TDRD10: variants seen among roughly 807,000 people sequenced by gnomAD.
TDRD10 encodes tudor domain containing 10.
TDRD10 carries 40 observed loss-of-function variants against 48.0 expected under a neutral mutation model. The ratio of observed to expected loss-of-function variants is 0.83; its 90% CI spans 0.65 to 1.09. The LOEUF is 1.09. Ranked by LOEUF, TDRD10 falls within the 50% of genes least tolerant of loss-of-function variation. TDRD10 has a pLI of 0.00. For missense variants in TDRD10, 378 were observed against 434.7 expected (o/e 0.87, Z 1.16); for synonymous variants, 162 against 170.4 (o/e 0.95, Z 0.38).
At position 154,520,777 on chromosome 1, in the gene TDRD10, G is replaced by A. The variant is rs374070977; in HGVS notation, c.212+403G>A. 2.6e-5 allele frequency among the ~76,000 whole-genome samples: 4 copies of A among 152,134 alleles called. No individual in the cohort carries two copies. In the East Asian group the frequency reaches 5.8e-4, roughly 22 times the overall value. The stretch of plus-strand genomic sequence containing the variant: ...GTTTGAGACAGGGTCTTGCTCTGTC[G>A]CTCAGGCCGGAGTGCTGTGGTGCAG... On this transcript the variant is annotated intron_variant, in intron 5 of 12. Transcript: ENST00000368482.
At chr1:154,538,033 G>A (rs997333704) in intron 6 of TDRD10, among the ~76,000 whole-genome samples, 1 of 152,214 alleles carries the variant, frequency 6.6e-6, no homozygotes, top group Non-Finnish European at 1.5e-5. Context: ...GGAGGTCTGT[G>A]TTTAGGTGAT....
intron 11 of TDRD10, among the ~76,000 whole-genome samples, chr1:154,545,605 C>T (rs1283864585): frequency 6.6e-6 from 1 of 151,986 alleles, no homozygotes; most frequent in African/African-American, 2.4e-5. Context: ...GGCAGGGTCT[C>T]ACTCTGTTGC....
In TDRD10 at chr1:154,547,673, TC is replaced by T. The variant is rs752737427; in HGVS notation, c.1024-3del. On this transcript the variant is annotated splice_polypyrimidine_tract_variant and splice_region_variant and intron_variant, in intron 12 of 12. Transcript: ENST00000368482. Reference sequence around the variant, plus strand: ...TCCCACCAAGGCTTTGTCTTTCTCTTCCAGTTGCACATCCTAAAGTTTGAAG... The same window carrying T: ...TCCCACCAAGGCTTTGTCTTTCTCTTCAGTTGCACATCCTAAAGTTTGAAG... 1.1e-5 allele frequency: 17 copies of T among 1,614,016 alleles called. No individual in the cohort carries two copies. In the South Asian group the frequency reaches 1.8e-4, roughly 17 times the overall value.
intron 6 of TDRD10, among the ~76,000 whole-genome samples, chr1:154,538,538 G>A (rs541168020): frequency 3.2e-5 from 3 of 93,350 alleles, no homozygotes; most frequent in South Asian, 4.6e-4. Flanking sequence ...CAACAAGAGC[G>A]AAACTCTATC....
chr1:154,521,083 A>G (rs1185809646), intron 5 of TDRD10, among the ~76,000 whole-genome samples: 1 of 152,166 alleles, frequency 6.6e-6, no homozygotes, highest in Admixed American at 6.5e-5. Flanking sequence ...AAAGTCATAG[A>G]CATACGATGC....
intron 6 of TDRD10, among the ~76,000 whole-genome samples, chr1:154,538,343 G>A (rs181119536): frequency 6.6e-6 from 1 of 150,912 alleles, no homozygotes; most frequent in Non-Finnish European, 1.5e-5. Flanking sequence ...GAGGTCAGGA[G>A]TTCGAGATCA....
In TDRD10 at chr1:154,502,351, C is replaced by G. The variant is rs547857946; in HGVS notation, c.-706C>G. 2.1e-3 allele frequency: 343 copies of G among 166,804 alleles called. 4 individuals are homozygous for G. The highest frequency in any genetic ancestry group is 3.7e-3 in the Non-Finnish European group (288 of 77,464). 10.3% of individuals were successfully genotyped at this position (166,804 alleles called of 1,614,324 possible). A position where few individuals can be genotyped will look rare whatever the true frequency, so the allele number is the denominator to read the frequency against. ...GAAGCCCCCTGCGGCCCAGCCCACG[C>G]TCCCAGGGACCAGAGAGGACCGAGC... is the stretch of plus-strand genomic sequence containing the variant. On this transcript the variant is annotated 5_prime_UTR_variant, in exon 1 of 13. Coordinates refer to ENST00000368482, the MANE Select transcript of TDRD10 (RefSeq NM_182499.4).
intron 11 of TDRD10, among the ~76,000 whole-genome samples, chr1:154,545,925 T>C (rs866249279): frequency 2.4e-5 from 3 of 124,204 alleles, no homozygotes; most frequent in African/African-American, 9.3e-5. Context: ...CACACCCAGC[T>C]AATTTTTTTT....
chr1:154,508,479 A>G lies in TDRD10; in HGVS notation c.139A>G (p.Lys47Glu). The change falls in exon 4 of 13, where the codon AAG becomes GAG. Residue 47 changes from lysine to glutamate, a missense_variant and splice_region_variant. Coordinates refer to ENST00000368482, the MANE Select transcript of TDRD10 (RefSeq NM_182499.4). ...TGGCAATCTTCCACTGGATATTTCT[A>G]AGGTATTTATTCTTCACAATAGGCT... ...YVGNLPLDIS[K>E]EEILYLLKDF... 4 of 1,601,002 alleles carry G rather than the reference A, an allele frequency of 2.5e-6. No homozygotes were observed. The highest frequency in any genetic ancestry group is 3.4e-6 in the Non-Finnish European group (4 of 1,168,128).
At position 154,520,032 on chromosome 1, in the gene TDRD10, T is replaced by C. The variant is rs546958557; in HGVS notation, c.142-272T>C. 1.5e-3 allele frequency among the ~76,000 whole-genome samples: 232 copies of C among 152,332 alleles called. 1 individual carries two copies. The highest frequency in any genetic ancestry group is 4.8e-3 in the African/African-American group (201 of 41,582). Reference sequence around the variant, plus strand: ...AATCTGGATTAAATGACAGGCCGTGTGCGCCCATAGCCAGCTGTATGTGCA... The same window carrying C: ...AATCTGGATTAAATGACAGGCCGTGCGCGCCCATAGCCAGCTGTATGTGCA... On this transcript the variant is annotated intron_variant, in intron 4 of 12. Coordinates refer to ENST00000368482, the MANE Select transcript of TDRD10 (RefSeq NM_182499.4).
intron 4 of TDRD10, among the ~76,000 whole-genome samples, chr1:154,519,058 C>T (rs1693919261): frequency 6.6e-6 from 1 of 152,116 alleles, no homozygotes. Context: ...CCTCTCTGAT[C>T]CTTATTTTAT....
In TDRD10 at chr1:154,532,915, G is replaced by A. The variant is rs74818857; in HGVS notation, c.370-9109G>A. On this transcript the variant is annotated intron_variant, in intron 6 of 12. Transcript: ENST00000368482. ...TTGTGGTCTCCACTGACATCTTGGC[G>A]TGGATGGCTTCATTACCGCTGAGGA... 8.2e-3 allele frequency among the ~76,000 whole-genome samples: 1,247 copies of A among 152,248 alleles called. 18 individuals are homozygous for A. The highest frequency in any genetic ancestry group is 0.025 in the African/African-American group (1,049 of 41,538).
intron 6 of TDRD10, among the ~76,000 whole-genome samples, chr1:154,541,540 G>C (rs1267850173): frequency 1.3e-5 from 2 of 152,078 alleles, no homozygotes; most frequent in African/African-American, 4.8e-5. Flanking sequence ...GGTTTTTCAG[G>C]TGAGAACAGT....
At chr1:154,517,147 C>T (rs1693811868) in intron 4 of TDRD10, among the ~76,000 whole-genome samples, 1 of 151,882 alleles carries the variant, frequency 6.6e-6, no homozygotes, top group Non-Finnish European at 1.5e-5. Context: ...TCAAAGCTGT[C>T]ATTTGGGGGT....
At chr1:154,508,041 T>C in intron 3 of TDRD10, among the ~76,000 whole-genome samples, 1 of 152,156 alleles carries the variant, frequency 6.6e-6, no homozygotes, top group South Asian at 2.1e-4. Context: ...TGGCTCTAGG[T>C]CCCTGCAGAG....
intron 4 of TDRD10, among the ~76,000 whole-genome samples, chr1:154,518,155 G>A (rs1321252268): frequency 6.6e-6 from 1 of 152,192 alleles, no homozygotes; most frequent in East Asian, 1.9e-4. Flanking sequence ...TGACTGGAAG[G>A]GATGTGTCTT....
intron 6 of TDRD10, among the ~76,000 whole-genome samples, chr1:154,538,840 G>C (rs188189706): frequency 2.0e-5 from 2 of 99,444 alleles, no homozygotes; most frequent in Non-Finnish European, 4.7e-5. Flanking sequence ...GTGACGGAGC[G>C]AGACTCCATC....
intron 1 of TDRD10, among the ~76,000 whole-genome samples, chr1:154,503,566 C>T (rs1290648886): frequency 6.6e-6 from 1 of 152,042 alleles, no homozygotes; most frequent in Admixed American, 6.5e-5. Context: ...CCAGCCTGGG[C>T]GACAGAGCGA....
chr1:154,520,667 C>T (rs1186525405), intron 5 of TDRD10, among the ~76,000 whole-genome samples: 1 of 152,212 alleles, frequency 6.6e-6, no homozygotes, highest in African/African-American at 2.4e-5. Flanking sequence ...CCACCCTAAG[C>T]CTTAGTTGTT....
Sources: allele counts gnomAD v4.1 joint callset (sites outside exome capture counted in the v4.1 genomes callset), GRCh38; gene constraint gnomAD v4.1.1; transcripts MANE v1.5; gene names NCBI Gene and HGNC (gene_info 2026-07-23, HGNC 2026-07-21).